The following CEP44 variants were observed in gnomAD, a reference collection of about 807,000 sequenced individuals.
CEP44 encodes the protein centrosomal protein of 44 kDa.
A neutral mutation model predicts 46.7 loss-of-function variants in CEP44; 45 were observed. That is an observed-to-expected ratio of 0.96 (90% confidence interval 0.76 to 1.24). The LOEUF (loss-of-function observed/expected upper bound fraction) is 1.24. Among genes scored for constraint, CEP44 ranks in the 50% most tolerant of loss-of-function variants. CEP44 has a pLI of 0.00. For synonymous variants in CEP44, 142 were observed against 146.0 expected, an observed-to-expected ratio of 0.97 and a Z score of 0.20; for missense variants, 475 against 459.7, an observed-to-expected ratio of 1.03 and a Z score of -0.30.
chr4:174,309,766 T>A lies in CEP44; in HGVS notation c.679-84T>A. On this transcript the variant is annotated intron_variant, in intron 7 of 11. Transcript: ENST00000503780. This position sits in a 1 kb window ranked among gnomAD's most constrained non-coding sequence, Gnocchi z 5.3. ...GGACGGTCTCTCCTAACTGTTGAGA[T>A]AACGCTGTGGAAGTGAGAATACATT... is the stretch of plus-strand genomic sequence containing the variant. 1 of 929,750 alleles carries A rather than the reference T, an allele frequency of 1.1e-6. No individual in the cohort carries two copies. The highest frequency in any genetic ancestry group is 1.6e-6 in the Non-Finnish European group (1 of 612,072). 57.6% of individuals were successfully genotyped at this position (929,750 alleles called of 1,614,324 possible).
chr4:174,290,732 T>A lies in CEP44; in HGVS notation c.-148+6789T>A, dbSNP rs1348892983. Among the ~76,000 whole-genome samples the A allele has an allele frequency of 6.6e-6, 1 of 152,224 alleles. No homozygotes were observed. Among genetic ancestry groups the A allele is most frequent in the African/African-American group, 2.4e-5 (1 of 41,466 alleles). On this transcript the variant is annotated intron_variant, in intron 1 of 11. Coordinates refer to ENST00000503780, the MANE Select transcript of CEP44 (RefSeq NM_001040157.3). The surrounding 1 kb of genome is among the most constrained non-coding windows in gnomAD (Gnocchi z 4.3). The stretch of plus-strand genomic sequence containing the variant: ...TTCTGTCTGGATGACCTGTACATTA[T>A]AGAGAGTGATGTATCAAAGTCTCCT...
chr4:174,322,519 A>C, downstream of CEP44, among the ~76,000 whole-genome samples: 1 of 152,056 alleles, frequency 6.6e-6, no homozygotes, highest in Non-Finnish European at 1.5e-5. Context: ...ATTTTTCTTC[A>C]TTTCGGTTTG....
At chr4:174,322,251 C>A (rs1385491218), downstream of CEP44, among the ~76,000 whole-genome samples, 1 of 152,080 alleles carries the variant, frequency 6.6e-6, no homozygotes, top group East Asian at 1.9e-4. Flanking sequence ...TCATTCTCTT[C>A]CACCTTCACT....
In CEP44 at chr4:174,318,495, T is replaced by G. The variant is rs1033677617; in HGVS notation, c.*1112T>G. On this transcript the variant is annotated 3_prime_UTR_variant, in exon 12 of 12. Transcript: ENST00000503780. The stretch of plus-strand genomic sequence containing the variant: ...AAATCAATGGAAAAATGAAATTTAT[T>G]TTTAATATTACTACTATATGAATTA... 2 of 874,600 alleles carry G rather than the reference T, an allele frequency of 2.3e-6. No homozygotes were observed. The highest frequency in any genetic ancestry group is 4.8e-5 in the African/African-American group (2 of 42,056). 54.2% of individuals were successfully genotyped at this position (874,600 alleles called of 1,614,324 possible).
intron 4 of CEP44, 148 bp from the exon 5 acceptor site, chr4:174,303,555 G>T (rs1020619708): frequency 2.2e-6 from 1 of 458,410 alleles, no homozygotes; most frequent in Non-Finnish European, 4.0e-6. Context: ...CCAGCCCTAT[G>T]AATTACTTTA....
Position 174,301,336 on chromosome 4 carries a change from A to G in CEP44, c.90-703A>G, listed in dbSNP as rs981449210. Among the ~76,000 whole-genome samples, 5 of 152,336 alleles carry G rather than the reference A, an allele frequency of 3.3e-5. No homozygotes were observed. Among genetic ancestry groups the G allele is most frequent in the Admixed American group, 6.5e-5 (1 of 15,302 alleles). On this transcript the variant is annotated intron_variant, in intron 3 of 11. Coordinates refer to ENST00000503780, the MANE Select transcript of CEP44 (RefSeq NM_001040157.3). This position sits in a 1 kb window ranked among gnomAD's most constrained non-coding sequence, Gnocchi z 4.3. ...AACACTACCAGACAGATAAAGACAC[A>G]GCAGATACTGAGTAGCCTGGGAGTC... is the stretch of plus-strand genomic sequence containing the variant.
rs760620660 is a variant in CEP44, at chr4:174,303,697, C to CT, written c.238-5dup. 2 of 1,512,942 alleles carry CT rather than the reference C, an allele frequency of 1.3e-6. No individual in the cohort carries two copies. The highest frequency in any genetic ancestry group is 3.5e-5 in the Admixed American group (2 of 56,696). The allele number at this position is 1,512,942 out of a possible 1,614,324, so 93.7% of individuals were successfully genotyped here. ...CAATTATTACAAGAGTCTGTTTCCT[C>CT]TGCAGCTTCTTCGTGATCAATTTAA... On this transcript the variant is annotated splice_polypyrimidine_tract_variant and splice_region_variant and intron_variant, in intron 4 of 11. Transcript: ENST00000503780.
At position 174,329,567 on chromosome 4, in the gene CEP44, T is replaced by C. The variant is rs1731203394; in HGVS notation, c.1087-1915T>C. Among the ~76,000 whole-genome samples the C allele has an allele frequency of 6.6e-6, 1 of 152,190 alleles. No individual in the cohort carries two copies. The highest frequency in any genetic ancestry group is 2.1e-4 in the South Asian group (1 of 4,838). ...CATTATCTTGCTTCCAGGATAATGT[T>C]CTCACACTTTATAGCTTGAAGAATG... On this transcript the variant is annotated intron_variant, in intron 8 of 8. Transcript: ENST00000426172. This position sits in a 1 kb window ranked among gnomAD's most constrained non-coding sequence, Gnocchi z 4.0.
intron 8 of CEP44, among the ~76,000 whole-genome samples, chr4:174,328,621 G>A (rs1341758947): frequency 6.6e-6 from 1 of 152,134 alleles, no homozygotes. Context: ...GAGTCTTATG[G>A]TGTATCCAGA....
At chr4:174,285,219 A>T (rs1737443710) in intron 1 of CEP44, among the ~76,000 whole-genome samples, 1 of 152,248 alleles carries the variant, frequency 6.6e-6, no homozygotes, top group South Asian at 2.1e-4. Flanking sequence ...AATTTTTAAA[A>T]GTATTTTTCA....
intron 3 of CEP44, among the ~76,000 whole-genome samples, chr4:174,300,147 G>A (rs982882416): frequency 3.3e-5 from 5 of 152,144 alleles, no homozygotes; most frequent in African/African-American, 1.2e-4. Context: ...GAATCCTTCA[G>A]TAATGGGCTT....
At position 174,310,848 on chromosome 4, in the gene CEP44, T is replaced by G. The variant is rs1456810345; in HGVS notation, c.951T>G (p.Leu317=). 4 of 1,467,364 alleles carry G rather than the reference T, an allele frequency of 2.7e-6. No individual in the cohort carries two copies. In the South Asian group the frequency reaches 3.6e-5, roughly 13 times the overall value. The allele number at this position is 1,467,364 out of a possible 1,614,324, so 90.9% of individuals were successfully genotyped here. ...EDYASCSDMD[L]LNPHRKSEVE... Reference sequence around the variant, plus strand: ...ACGCTTCTTGTAGTGACATGGACCTTCTGAATCCTCGTAAGTTTGTAAATA... The same window carrying G: ...ACGCTTCTTGTAGTGACATGGACCTGCTGAATCCTCGTAAGTTTGTAAATA... Residue 317 remains leucine, a synonymous_variant, in exon 9 of 12, where the codon CTT becomes CTG. Coordinates refer to ENST00000503780, the MANE Select transcript of CEP44 (RefSeq NM_001040157.3). The surrounding 1 kb of genome is among the most constrained non-coding windows in gnomAD (Gnocchi z 4.2).
intron 6 of CEP44, among the ~76,000 whole-genome samples, chr4:174,307,418 A>T (rs1345881360): frequency 6.6e-6 from 1 of 152,208 alleles, no homozygotes; most frequent in East Asian, 1.9e-4. Flanking sequence ...TATGCAGAAG[A>T]TTGAAACTAG....
At position 174,316,645 on chromosome 4, in the gene CEP44, C is replaced by T. The variant is rs1215712569; in HGVS notation, c.1124+78C>T. 4.5e-6 allele frequency: 6 copies of T among 1,330,266 alleles called. No homozygotes were observed. In the Admixed American group the frequency reaches 1.3e-4, roughly 29 times the overall value. The allele number at this position is 1,330,266 out of a possible 1,614,324, so 82.4% of individuals were successfully genotyped here. On this transcript the variant is annotated intron_variant, in intron 11 of 11. Transcript: ENST00000503780. ...TGGATTACAGTATATATAGAATGTG[C>T]ATGTGTGTTTCAAACCTTAAAGGTC...
At chr4:174,300,888 T>C (rs1265213859) in intron 3 of CEP44, among the ~76,000 whole-genome samples, 1 of 152,188 alleles carries the variant, frequency 6.6e-6, no homozygotes, top group Non-Finnish European at 1.5e-5. Context: ...GTGTTAAATG[T>C]GTGCCTGGCT....
Position 174,326,553 on chromosome 4 carries a change from T to A in CEP44, c.1087-4929T>A, listed in dbSNP as rs1046404080. ...TTTTTAAAAGGTTTAAATAATTTTT[T>A]AAAAGTCTTTTATATGTGCCAACCT... is the stretch of plus-strand genomic sequence containing the variant. On this transcript the variant is annotated intron_variant, in intron 8 of 8. Transcript: ENST00000426172. The surrounding 1 kb of genome is among the most constrained non-coding windows in gnomAD (Gnocchi z 4.8). 6.6e-6 allele frequency among the ~76,000 whole-genome samples: 1 copy of A among 152,114 alleles called. No individual in the cohort carries two copies. The highest frequency in any genetic ancestry group is 1.5e-5 in the Non-Finnish European group (1 of 67,970).
chr4:174,323,302 T>G (rs1379499238), downstream of CEP44, among the ~76,000 whole-genome samples: 1 of 151,616 alleles, frequency 6.6e-6, no homozygotes, highest in Non-Finnish European at 1.5e-5. Flanking sequence ...CCTTGAGAGG[T>G]TTTCCCCCCT....
chr4:174,304,314 T>A lies in CEP44; in HGVS notation c.452T>A (p.Ile151Lys), dbSNP rs1397768787. Residue 151 changes from isoleucine to lysine, a missense_variant, in exon 6 of 12, where the codon ATA (isoleucine) becomes AAA (lysine). By Grantham distance (102) the Ile-to-Lys change is moderately radical. Coordinates refer to ENST00000503780, the MANE Select transcript of CEP44 (RefSeq NM_001040157.3). ...KSEPPLGNEK[I>K]SAEAVGVDIS... The stretch of plus-strand genomic sequence containing the variant: ...GAACCTCCTTTGGGCAATGAGAAAA[T>A]ATCTGCAGAGGCTGTTGGCGTTGAT... 6.2e-7 allele frequency: 1 copy of A among 1,611,768 alleles called. No homozygotes were observed. Among genetic ancestry groups the A allele is most frequent in the Non-Finnish European group, 8.5e-7 (1 of 1,179,414 alleles).
chr4:174,330,746 C>A (rs1731277567), intron 8 of CEP44, among the ~76,000 whole-genome samples: 1 of 152,046 alleles, frequency 6.6e-6, no homozygotes, highest in South Asian at 2.1e-4. Context: ...ATACTTCTCT[C>A]CAGGGATTAT....
Sources: allele counts gnomAD v4.1 joint callset (sites outside exome capture counted in the v4.1 genomes callset), GRCh38; gene constraint gnomAD v4.1.1; non-coding constraint Gnocchi (gnomAD v3.1); transcripts MANE v1.5; gene names NCBI Gene and HGNC (gene_info 2026-07-23, HGNC 2026-07-21).